SPTBN2: variants seen among roughly 807,000 people sequenced by gnomAD.
The protein encoded by SPTBN2 is spectrin beta chain, non-erythrocytic 2.
Under a neutral mutation model 284.2 loss-of-function variants are expected in SPTBN2, and 107 were observed. That is an observed-to-expected ratio of 0.38 (90% CI 0.32 to 0.44). The LOEUF is 0.44. Ranked by LOEUF, SPTBN2 falls within the 20% of genes least tolerant of loss-of-function variation. The pLI, the probability that SPTBN2 is intolerant of heterozygous loss-of-function variation, is 1.00. For synonymous variants in SPTBN2, 1,289 were observed against 1,354.8 expected (o/e 0.95, Z 1.07); for missense variants, 2,569 against 3,287.1 (o/e 0.78, Z 5.34).
chr11:66,691,489 A>G lies in SPTBN2; in HGVS notation c.5360T>C (p.Leu1787Pro). 1 of 1,612,124 alleles carries G rather than the reference A, an allele frequency of 6.2e-7. No individual in the cohort carries two copies. ...DSLNEAWADL[L>P]ELLDTRGQVL... ...CTGACCCCGTGTGTCCAGCAGCTCA[A>G]GCAGGTCAGCCCAGGCCTCGTTGAG... Residue 1787 changes from leucine (L) to proline (P), a missense_variant, in exon 27 of 38, where the codon CTT (leucine) becomes CCT (proline). By Grantham distance (98) the Leu-to-Pro change is moderately conservative. Coordinates refer to ENST00000533211, the MANE Select transcript of SPTBN2 (RefSeq NM_006946.4). The surrounding 1 kb of genome is among the most constrained non-coding windows in gnomAD (Gnocchi z 8.0).
In SPTBN2 at chr11:66,685,797, G is replaced by A. The variant is rs1409541518; in HGVS notation, c.*74C>T. 6.3e-6 allele frequency: 9 copies of A among 1,426,688 alleles called. No individual in the cohort carries two copies. The highest frequency in any genetic ancestry group is 5.8e-5 in the South Asian group (5 of 86,486). 88.4% of individuals were successfully genotyped at this position (1,426,688 alleles called of 1,614,324 possible). A position where few individuals can be genotyped will look rare whatever the true frequency, so the allele number is the denominator to read the frequency against. Reference sequence around the variant, plus strand: ...GCAGCAGGCAGTTGTCCTGACAAGAGGGCGGTCCCTGTCGACTGTCCCTGG... The same window carrying A: ...GCAGCAGGCAGTTGTCCTGACAAGAAGGCGGTCCCTGTCGACTGTCCCTGG... On this transcript the variant is annotated 3_prime_UTR_variant, in exon 38 of 38. Transcript: ENST00000533211. This position sits in a 1 kb window ranked among gnomAD's most constrained non-coding sequence, Gnocchi z 4.4.
At chr11:66,701,379 C>T in intron 16 of SPTBN2, 97 bp from the exon 17 acceptor site, 1 of 1,549,452 alleles carries the variant, frequency 6.5e-7, no homozygotes, top group Admixed American at 1.9e-5. Context: ...CCCTTCACTC[C>T]TCCCTTTCTG....
In SPTBN2 at chr11:66,703,807, GATTT is replaced by G. The variant is rs1470813315; in HGVS notation, c.2678+787_2678+790del. Reference sequence around the variant, plus strand: ...TGTGGTTCTATAAAAAAATTTTTAAGATTTATTATTGAATAAATGATTTGAAGAT... The same window carrying G: ...TGTGGTTCTATAAAAAAATTTTTAAGATTATTGAATAAATGATTTGAAGAT... On this transcript the variant is annotated intron_variant, in intron 15 of 37. Coordinates refer to ENST00000533211, the MANE Select transcript of SPTBN2 (RefSeq NM_006946.4). Among the ~76,000 whole-genome samples, 5 of 151,988 alleles carry G rather than the reference GATTT, an allele frequency of 3.3e-5. No individual in the cohort carries two copies. The East Asian group carries it at 5.8e-4, about 18-fold the overall frequency.
chr11:66,725,546 T>C (rs1465318965), intron 1 of SPTBN2, among the ~76,000 whole-genome samples: 1 of 151,368 alleles, frequency 6.6e-6, no homozygotes, highest in African/African-American at 2.5e-5. Flanking sequence ...CATGACCCCC[T>C]GTCATGAGGA....
chr11:66,701,827 G>C, intron 15 of SPTBN2, 106 bp from the exon 16 acceptor site: 1 of 1,520,898 alleles, frequency 6.6e-7, no homozygotes. Context: ...CCTTCACCAG[G>C]AGGCTTATCT....
rs1485555496 is a variant in SPTBN2 at position 66,691,934 on chromosome 11, G to C, written c.5191-276C>G. Among the ~76,000 whole-genome samples, 1 of 152,178 alleles carries C rather than the reference G, an allele frequency of 6.6e-6. No homozygotes were observed. The highest frequency in any genetic ancestry group is 1.5e-5 in the Non-Finnish European group (1 of 68,030). Reference sequence around the variant, plus strand: ...TACCCTAACTATGGTCCATATTTCTGTACGACTGAGGGTCCAAGCCCCCAA... The same window carrying C: ...TACCCTAACTATGGTCCATATTTCTCTACGACTGAGGGTCCAAGCCCCCAA... On this transcript the variant is annotated intron_variant, in intron 26 of 37. Coordinates refer to ENST00000533211, the MANE Select transcript of SPTBN2 (RefSeq NM_006946.4). This position sits in a 1 kb window ranked among gnomAD's most constrained non-coding sequence, Gnocchi z 8.0.
rs1375801185 is a variant in SPTBN2, at chr11:66,704,785, C to T, written c.2491G>A (p.Glu831Lys). 1 of 1,604,068 alleles carries T rather than the reference C, an allele frequency of 6.2e-7. No homozygotes were observed. The highest frequency in any genetic ancestry group is 8.5e-7 in the Non-Finnish European group (1 of 1,177,428). The change falls in exon 15 of 38, where the codon GAG becomes AAG. Residue 831 changes from glutamate (E) to lysine (K), a missense_variant. Physicochemically the swap from Glu to Lys is moderately conservative, Grantham distance 56. Around this residue, in one of 6 missense-constraint regions of SPTBN2, gnomAD observed 1,012 missense variants for 1,248.9 expected, o/e 0.81. Coordinates refer to ENST00000533211, the MANE Select transcript of SPTBN2 (RefSeq NM_006946.4). ...GCCTGCAGCTCCTCGTAGTGCCGCT[C>T]CAGGGTGGGCACCCGGCTCTGCACC... ...PEVQSRVPTLERHYEELQARA... is the reference protein window; with the variant it reads ...PEVQSRVPTLKRHYEELQARA...
At chr11:66,695,504 G>C (rs1194211778) in intron 21 of SPTBN2, among the ~76,000 whole-genome samples, 3 of 152,026 alleles carry the variant, frequency 2.0e-5, no homozygotes, top group Admixed American at 6.5e-5. Context: ...AAGTGATCCG[G>C]CCACCTCGGC....
intron 36 of SPTBN2, 125 bp from the exon 37 acceptor site, chr11:66,686,565 CCAGA>C: frequency 9.8e-7 from 1 of 1,024,416 alleles, no homozygotes; most frequent in Non-Finnish European, 1.5e-6. Flanking sequence ...CAGAGCCGGA[CCAGA>C]CACGCTCTGC....
chr11:66,688,675 C>T lies in SPTBN2; in HGVS notation c.6209G>A (p.Cys2070Tyr), dbSNP rs1940320962. 6.2e-7 allele frequency: 1 copy of T among 1,613,894 alleles called. No homozygotes were observed. The highest frequency in any genetic ancestry group is 1.3e-5 in the African/African-American group (1 of 74,932). The stretch of plus-strand genomic sequence containing the variant: ...CACCGCAGTAAGCTTCTCCAGCGCA[C>T]AGAATCGCTCCTCCCAGGCCACTGC... ...KSAVAWEERF[C>Y]ALEKLTALEE... The change falls in exon 31 of 38, where the codon TGT (cysteine) becomes TAT (tyrosine). Residue 2070 changes from cysteine (C) to tyrosine (Y), a missense_variant. Transcript: ENST00000533211.
Position 66,692,647 on chromosome 11 carries a change from G to C in SPTBN2, c.5079C>G (p.His1693Gln). ...AGERRERLQE[H>Q]LRLCQLRREL... ...CGCGGCGGAGCTGGCACAGCCGGAGGTGCTCCTGCAGGCGCTCCCGCCGCT... is the reference window on the plus strand; with the variant it reads ...CGCGGCGGAGCTGGCACAGCCGGAGCTGCTCCTGCAGGCGCTCCCGCCGCT... The change falls in exon 26 of 38, where the codon CAC becomes CAG. Residue 1693 changes from histidine (H) to glutamine (Q), a missense_variant. This residue lies in a region of SPTBN2 where 1,130 missense variants were observed against 1,317.3 expected (regional missense o/e 0.86). Transcript: ENST00000533211. The C allele has an allele frequency of 6.2e-7, 1 of 1,605,250 alleles. No individual in the cohort carries two copies. The highest frequency in any genetic ancestry group is 8.5e-7 in the Non-Finnish European group (1 of 1,179,926).
intron 29 of SPTBN2, 25 bp downstream of exon 29, chr11:66,689,780 G>A: frequency 1.9e-6 from 3 of 1,611,576 alleles, no homozygotes; most frequent in South Asian, 2.2e-5. Context: ...AGTGAGAATG[G>A]CCCGGCCACC....
At chr11:66,701,759 G>A (rs770778990) in intron 15 of SPTBN2, 38 bp from the exon 16 acceptor site, 9 of 1,613,726 alleles carry the variant, frequency 5.6e-6, no homozygotes, top group South Asian at 2.2e-5. Context: ...ATTGTGGGAG[G>A]CAGCGATGTG....
At chr11:66,696,129 G>T in intron 21 of SPTBN2, 148 bp downstream of exon 21, 1 of 1,040,266 alleles carries the variant, frequency 9.6e-7, no homozygotes, top group Non-Finnish European at 1.4e-6. Flanking sequence ...TATCCCTAGA[G>T]ATTCTGATAC....
In SPTBN2 at chr11:66,688,758, A is replaced by G; in HGVS notation, c.6126T>C (p.Gly2042=). 1.2e-6 allele frequency: 2 copies of G among 1,613,424 alleles called. No individual in the cohort carries two copies. The change falls in exon 31 of 38, where the codon GGT becomes GGC. Residue 2042 remains glycine, a synonymous_variant. Transcript: ENST00000533211. ...GGCTCTCAACTTCGTCGACCGTGCA[A>G]CCCAGCTCAGCGCTGCGCACCAGTG... ...QEPLVRSAEL[G]CTVDEVESLI...
chr11:66,706,831 C>A (rs1641067135), intron 13 of SPTBN2, among the ~76,000 whole-genome samples: 2 of 152,126 alleles, frequency 1.3e-5, no homozygotes, highest in Admixed American at 6.5e-5. Flanking sequence ...GGGGTTTCAC[C>A]ATGTTGGCCA....
At position 66,721,053 on chromosome 11, in the gene SPTBN2, T is replaced by A. The variant is rs1942378793; in HGVS notation, c.157+31A>T. 2.5e-6 allele frequency: 4 copies of A among 1,613,610 alleles called. No homozygotes were observed. In the Admixed American group the frequency reaches 5.0e-5, roughly 20 times the overall value. ...CGAGCTGACAAAGCCTCCTCCAGCATCCCCCCACCTCGACCCTCCTCTGAC... is the reference window on the plus strand; with the variant it reads ...CGAGCTGACAAAGCCTCCTCCAGCAACCCCCCACCTCGACCCTCCTCTGAC... On this transcript the variant is annotated intron_variant, in intron 3 of 37. Transcript: ENST00000533211.
At chr11:66,726,653 T>G (rs560889814) in intron 1 of SPTBN2, among the ~76,000 whole-genome samples, 1 of 152,126 alleles carries the variant, frequency 6.6e-6, no homozygotes, top group Non-Finnish European at 1.5e-5. Flanking sequence ...AAGATGAAGA[T>G]GGAGTAGGTA....
Position 66,693,849 on chromosome 11 carries a change from C to G in SPTBN2, c.4516G>C (p.Glu1506Gln). 1 of 1,613,940 alleles carries G rather than the reference C, an allele frequency of 6.2e-7. No homozygotes were observed. Among genetic ancestry groups the G allele is most frequent in the Non-Finnish European group, 8.5e-7 (1 of 1,179,948 alleles). Residue 1506 changes from glutamate (E) to glutamine (Q), a missense_variant, in exon 23 of 38, where the codon GAG (glutamate) becomes CAG (glutamine). Transcript: ENST00000533211. This position sits in a 1 kb window ranked among gnomAD's most constrained non-coding sequence, Gnocchi z 5.7. ...ATGGAGCTGGCCATGGGCAGCCGCT[C>G]TGTCACCCACAACTGGAAGAGGAAG... ...DVEDEILWVTERLPMASSMEH... is the reference protein window; with the variant it reads ...DVEDEILWVTQRLPMASSMEH...
Sources: gnomAD v4.1 joint callset for allele counts (sites outside exome capture counted in the v4.1 genomes callset) on GRCh38, gnomAD v4.1.1 for gene constraint, gnomAD v4.1.1 regional missense constraint, Gnocchi (gnomAD v3.1) non-coding constraint, MANE v1.5 for transcripts, NCBI Gene and HGNC (gene_info 2026-07-23, HGNC 2026-07-21) for gene names.